The following OSTF1 variants were observed in gnomAD, a reference collection of about 807,000 sequenced individuals.
The protein encoded by OSTF1 is osteoclast-stimulating factor 1.
In OSTF1, 27 loss-of-function variants were observed where a neutral mutation model predicts 37.2. That is an observed-to-expected ratio of 0.73 (90% CI 0.54 to 1.00). The LOEUF (loss-of-function observed/expected upper bound fraction) is 1.00. OSTF1 is among the 50% of genes least tolerant of loss of function. The probability of loss-of-function intolerance (pLI) is 0.00; values close to 1 mark genes in which losing one functional copy is unlikely to be tolerated. For synonymous variants in OSTF1, 82 were observed against 89.2 expected, an observed-to-expected ratio of 0.92 and a Z score of 0.46; for missense variants, 232 against 253.8, an observed-to-expected ratio of 0.91 and a Z score of 0.58.
intron 2 of OSTF1, among the ~76,000 whole-genome samples, chr9:75,120,737 C>A (rs541103827): frequency 6.6e-6 from 1 of 152,164 alleles, no homozygotes; most frequent in African/African-American, 2.4e-5. Flanking sequence ...CTGCTTCAAC[C>A]TTTTATTTGA....
chr9:75,115,514 A>T (rs374124068), intron 1 of OSTF1, among the ~76,000 whole-genome samples: 65 of 152,034 alleles, frequency 4.3e-4, no homozygotes, highest in African/African-American at 1.5e-3. Context: ...GGTCTCGAAC[A>T]CCTGACCTCA....
rs147374942 is a variant in OSTF1, at chr9:75,093,977, C to A, written c.34+5251C>A. Reference sequence around the variant, plus strand: ...CCTTTAATTATTCTGACTTTCCTATCAGGTGGGTGGGTCCTCATATCCCTG... The same window carrying A: ...CCTTTAATTATTCTGACTTTCCTATAAGGTGGGTGGGTCCTCATATCCCTG... On this transcript the variant is annotated intron_variant, in intron 1 of 9. Transcript: ENST00000346234. Among the ~76,000 whole-genome samples, 26 of 152,298 alleles carry A rather than the reference C, an allele frequency of 1.7e-4. No homozygotes were observed. The East Asian group carries it at 4.8e-3, about 28-fold the overall frequency.
chr9:75,116,575 T>C (rs150266092), intron 1 of OSTF1, among the ~76,000 whole-genome samples: 38 of 151,642 alleles, frequency 2.5e-4, no homozygotes, highest in Non-Finnish European at 5.4e-4. Context: ...TTTTGGGACT[T>C]AATGGAATCA....
At chr9:75,110,071 T>C (rs1201817371) in intron 1 of OSTF1, among the ~76,000 whole-genome samples, 3 of 152,240 alleles carry the variant, frequency 2.0e-5, no homozygotes, top group East Asian at 1.9e-4. Context: ...TGAATCTTCA[T>C]TGATGCATCA....
chr9:75,106,782 C>T (rs1226177498), intron 1 of OSTF1, among the ~76,000 whole-genome samples: 8 of 150,882 alleles, frequency 5.3e-5, no homozygotes, highest in African/African-American at 1.7e-4. Context: ...GGTGAAACCC[C>T]GTCTCTACTA....
intron 2 of OSTF1, among the ~76,000 whole-genome samples, chr9:75,125,914 T>A (rs551529020): frequency 4.2e-4 from 64 of 152,330 alleles, no homozygotes; most frequent in African/African-American, 7.2e-4. Context: ...TTTCATTTTT[T>A]AAAAAAATTT....
intron 1 of OSTF1, among the ~76,000 whole-genome samples, chr9:75,092,932 A>G (rs1825003946): frequency 6.6e-6 from 1 of 152,014 alleles, no homozygotes; most frequent in African/African-American, 2.4e-5. Context: ...CTGTCATTGA[A>G]ACTTTCTCCC....
At chr9:75,132,399 G>A (rs1045205213) in intron 5 of OSTF1, among the ~76,000 whole-genome samples, 1 of 152,158 alleles carries the variant, frequency 6.6e-6, no homozygotes, top group African/African-American at 2.4e-5. Flanking sequence ...TCAGCTAGGG[G>A]TGATTCCTCT....
intron 2 of OSTF1, among the ~76,000 whole-genome samples, chr9:75,123,391 T>G (rs1564162960): frequency 6.6e-6 from 1 of 152,118 alleles, no homozygotes; most frequent in African/African-American, 2.4e-5. Context: ...GCCACTGCAC[T>G]CCAACCTGGG....
At chr9:75,099,564 A>G (rs2118409377) in intron 1 of OSTF1, among the ~76,000 whole-genome samples, 1 of 151,778 alleles carries the variant, frequency 6.6e-6, no homozygotes, top group Non-Finnish European at 1.5e-5. Flanking sequence ...GTGGTGGCTC[A>G]CGCCTGTAAT....
chr9:75,099,524 G>A (rs1023340440), intron 1 of OSTF1, among the ~76,000 whole-genome samples: 1 of 152,088 alleles, frequency 6.6e-6, no homozygotes, highest in Admixed American at 6.5e-5. Context: ...TCCCACTTGG[G>A]CCTCCCAAAG....
In OSTF1 at chr9:75,088,565, G is replaced by C; in HGVS notation, c.-128G>C. The C allele has an allele frequency of 1.0e-6, 1 of 990,108 alleles. No individual in the cohort carries two copies. The highest frequency in any genetic ancestry group is 1.5e-6 in the Non-Finnish European group (1 of 646,386). The allele number at this position is 990,108 out of a possible 1,614,324, so 61.3% of individuals were successfully genotyped here. On this transcript the variant is annotated 5_prime_UTR_variant, in exon 1 of 10. Coordinates refer to ENST00000346234, the MANE Select transcript of OSTF1 (RefSeq NM_012383.5). ...CCGCTCTTCCCGCAGCCAAGGGTGG[G>C]CGCCGGTCCTAGGAGGCGCACGGTT...
chr9:75,131,967 C>T (rs867691187), intron 5 of OSTF1, 144 bp downstream of exon 5: 23 of 637,172 alleles, frequency 3.6e-5, no homozygotes, highest in Admixed American at 3.1e-4. Context: ...GTTCCCTTTG[C>T]ACCTTCTCAG....
At position 75,138,257 on chromosome 9, in the gene OSTF1, C is replaced by G. The variant is rs374611233; in HGVS notation, c.487+641C>G. Among the ~76,000 whole-genome samples, 18 of 152,302 alleles carry G rather than the reference C, an allele frequency of 1.2e-4. No individual in the cohort carries two copies. The East Asian group carries it at 2.9e-3, about 24-fold the overall frequency. On this transcript the variant is annotated intron_variant, in intron 8 of 9. Coordinates refer to ENST00000346234, the MANE Select transcript of OSTF1 (RefSeq NM_012383.5). ...GTAGGATGCTTGAGTCCCCAAGACA[C>G]TTGTCATGGAATTACCCTCATTAGG...
chr9:75,140,457 A>G (rs941485651), intron 8 of OSTF1, among the ~76,000 whole-genome samples: 4 of 152,222 alleles, frequency 2.6e-5, no homozygotes, highest in East Asian at 3.8e-4. Flanking sequence ...ACTTACAGAT[A>G]TAAAATATTA....
chr9:75,113,575 A>G (rs532247754), intron 1 of OSTF1, among the ~76,000 whole-genome samples: 1 of 151,466 alleles, frequency 6.6e-6, no homozygotes, highest in Non-Finnish European at 1.5e-5. Flanking sequence ...CAGCCTCCCC[A>G]GTAACTGGTA....
At chr9:75,131,674 C>G in intron 4 of OSTF1, 96 bp from the exon 5 acceptor site, 1 of 854,992 alleles carries the variant, frequency 1.2e-6, no homozygotes, top group African/African-American at 1.7e-5. Flanking sequence ...TGCCCTGGTA[C>G]TCCTGAAGCT....
intron 7 of OSTF1, among the ~76,000 whole-genome samples, chr9:75,134,941 G>A (rs1207249207): frequency 1.3e-5 from 2 of 152,030 alleles, no homozygotes; most frequent in South Asian, 2.1e-4. Context: ...GTTTTATACA[G>A]TCTTGATATA....
chr9:75,146,953 G>T lies in OSTF1; in HGVS notation c.*212G>T. 3.1e-6 allele frequency: 1 copy of T among 326,080 alleles called. No individual in the cohort carries two copies. Among genetic ancestry groups the T allele is most frequent in the Non-Finnish European group, 5.5e-6 (1 of 181,568 alleles). The allele number at this position is 326,080 out of a possible 1,614,324, so 20.2% of individuals were successfully genotyped here. A position where few individuals can be genotyped will look rare whatever the true frequency, so the allele number is the denominator to read the frequency against. On this transcript the variant is annotated 3_prime_UTR_variant, in exon 10 of 10. Transcript: ENST00000346234. ...TCTTGGCACATTTATGTTCACCAAA[G>T]TAGAACAAGAAGATATTATTTCTAT...
Sources: gnomAD v4.1 joint callset for allele counts (sites outside exome capture counted in the v4.1 genomes callset) on GRCh38, gnomAD v4.1.1 for gene constraint, MANE v1.5 for transcripts, NCBI Gene and HGNC (gene_info 2026-07-23, HGNC 2026-07-21) for gene names.